Variants in VCL observed in about 807,000 individuals in gnomAD.
VCL encodes epididymis luminal protein 114.
VCL carries 47 observed loss-of-function variants against 125.7 expected under a neutral mutation model. The observed-to-expected ratio is 0.37, with a 90% CI of 0.30 to 0.48. VCL has a LOEUF of 0.48. Ranked by LOEUF, VCL falls within the 20% of genes least tolerant of loss-of-function variation. The probability of loss-of-function intolerance (pLI) is 0.99; values close to 1 mark genes in which losing one functional copy is unlikely to be tolerated. For missense variants in VCL, 1,069 were observed against 1,455.5 expected, an observed-to-expected ratio of 0.73 and a Z score of 4.32; for synonymous variants, 458 against 514.6, an observed-to-expected ratio of 0.89 and a Z score of 1.49.
rs1247818989 is a variant in VCL, at chr10:74,071,684, A to C, written c.499+601A>C. 6.6e-6 allele frequency among the ~76,000 whole-genome samples: 1 copy of C among 152,256 alleles called. No homozygotes were observed. Among genetic ancestry groups the C allele is most frequent in the Non-Finnish European group, 1.5e-5 (1 of 68,044 alleles). ...GGTCTTTAAAGTATGAATGAGACCAATGACAAGATATGTTAGATGTTTAAC... is the reference window on the plus strand; with the variant it reads ...GGTCTTTAAAGTATGAATGAGACCACTGACAAGATATGTTAGATGTTTAAC... On this transcript the variant is annotated intron_variant, in intron 4 of 21. Transcript: ENST00000211998. This position sits in a 1 kb window ranked among gnomAD's most constrained non-coding sequence, Gnocchi z 4.1.
chr10:74,032,352 A>G (rs1840893583), intron 1 of VCL, among the ~76,000 whole-genome samples: 1 of 152,100 alleles, frequency 6.6e-6, no homozygotes. Context: ...CAAGAAAGGG[A>G]AAGACAACCC....
intron 1 of VCL, among the ~76,000 whole-genome samples, chr10:74,001,693 C>A (rs181506177): frequency 5.2e-4 from 79 of 152,216 alleles, no homozygotes; most frequent in South Asian, 1.0e-3. Context: ...TAATTGAACT[C>A]TGAATTTGCT....
chr10:74,113,149 G>C (rs1322128238), intron 19 of VCL, among the ~76,000 whole-genome samples: 1 of 152,194 alleles, frequency 6.6e-6, no homozygotes, highest in Non-Finnish European at 1.5e-5. Flanking sequence ...AAGAGCATGA[G>C]GGGAAAAATG....
rs943734765 is a variant in VCL at position 74,118,145 on chromosome 10, T to C, written c.3381T>C (p.Val1127=). The C allele has an allele frequency of 3.1e-6, 5 of 1,613,978 alleles. No individual in the cohort carries two copies. The highest frequency in any genetic ancestry group is 4.5e-5 in the East Asian group (2 of 44,884). ...RTDAGFTLRW[V]RKTPWYQ Reference sequence around the variant, plus strand: ...ATGCTGGATTTACACTGCGCTGGGTTAGAAAGACTCCCTGGTACCAGTAGG... The same window carrying C: ...ATGCTGGATTTACACTGCGCTGGGTCAGAAAGACTCCCTGGTACCAGTAGG... Residue 1127 remains valine (V), a synonymous_variant, in exon 22 of 22, where the codon GTT becomes GTC. Transcript: ENST00000211998.
chr10:74,042,156 A>G (rs903064066), intron 1 of VCL, among the ~76,000 whole-genome samples: 5 of 152,266 alleles, frequency 3.3e-5, no homozygotes, highest in Admixed American at 6.5e-5. Flanking sequence ...CTTTTAAGTG[A>G]AATATAATGT....
intron 18 of VCL, among the ~76,000 whole-genome samples, chr10:74,110,173 C>A (rs768995508): frequency 2.2e-4 from 34 of 152,166 alleles, no homozygotes; most frequent in Non-Finnish European, 4.7e-4. Flanking sequence ...ATAATGGTAT[C>A]TCTCCAACTG....
intron 1 of VCL, among the ~76,000 whole-genome samples, chr10:74,021,071 C>A (rs1049477354): frequency 2.0e-5 from 3 of 152,034 alleles, no homozygotes; most frequent in Non-Finnish European, 4.4e-5. Flanking sequence ...TATTTCCCCT[C>A]CATCTTTTCG....
Position 74,070,979 on chromosome 10 carries a change from G to A in VCL, c.395G>A (p.Arg132His), listed in dbSNP as rs1272048875. The change falls in exon 4 of 22, where the codon CGT (arginine) becomes CAT (histidine). Residue 132 changes from arginine to histidine, a missense_variant. Arg to His is a conservative substitution (Grantham distance 29). Transcript: ENST00000211998. The stretch of plus-strand genomic sequence containing the variant: ...TACTCTGAAATATTTTTTCAGGTCC[G>A]TAAAATTATTAGAGTTTGCAAAGGA... ...LLLTFDEAEVRKIIRVCKGIL... is the reference protein window; with the variant it reads ...LLLTFDEAEVHKIIRVCKGIL... 5 of 1,614,016 alleles carry A rather than the reference G, an allele frequency of 3.1e-6. No homozygotes were observed. Among genetic ancestry groups the A allele is most frequent in the South Asian group, 2.2e-5 (2 of 91,096 alleles).
At chr10:74,108,868 C>T in intron 17 of VCL, 103 bp from the exon 18 acceptor site, 3 of 1,329,622 alleles carry the variant, frequency 2.3e-6, no homozygotes, top group Non-Finnish European at 3.2e-6. Flanking sequence ...TATGTGGAGT[C>T]AATATGGGTG....
intron 1 of VCL, among the ~76,000 whole-genome samples, chr10:74,019,518 G>C (rs550452741): frequency 2.2e-4 from 33 of 152,226 alleles, no homozygotes; most frequent in African/African-American, 7.7e-4. Context: ...GAGGAAGATA[G>C]ATTGGAGCGC....
At chr10:74,028,722 A>G (rs1840819930) in intron 1 of VCL, among the ~76,000 whole-genome samples, 1 of 151,516 alleles carries the variant, frequency 6.6e-6, no homozygotes, top group African/African-American at 2.4e-5. Context: ...AACTAAGAAC[A>G]CTGGAAAAAC....
intron 2 of VCL, among the ~76,000 whole-genome samples, chr10:74,046,696 C>T (rs1841201902): frequency 2.0e-5 from 3 of 152,212 alleles, no homozygotes; most frequent in Non-Finnish European, 4.4e-5. Flanking sequence ...TGAGTGAGTA[C>T]AGGTTTCACT....
At chr10:74,018,713 G>A (rs961497137) in intron 1 of VCL, among the ~76,000 whole-genome samples, 5 of 152,158 alleles carry the variant, frequency 3.3e-5, no homozygotes, top group African/African-American at 1.2e-4. Context: ...TTCAGTTTTT[G>A]AATAGGTATA....
chr10:74,073,347 C>T (rs1348814203), intron 5 of VCL, among the ~76,000 whole-genome samples: 1 of 152,174 alleles, frequency 6.6e-6, no homozygotes, highest in East Asian at 1.9e-4. Flanking sequence ...GGCTGAGAAC[C>T]AGTCTTCTTC....
intron 1 of VCL, among the ~76,000 whole-genome samples, chr10:74,002,205 A>G (rs943360874): frequency 6.6e-6 from 1 of 152,168 alleles, no homozygotes; most frequent in Non-Finnish European, 1.5e-5. Context: ...GGCTCACCGC[A>G]ACCTCTGTCT....
intron 1 of VCL, among the ~76,000 whole-genome samples, chr10:74,009,799 G>A (rs1022303166): frequency 1.3e-5 from 2 of 151,506 alleles, no homozygotes; most frequent in African/African-American, 4.8e-5. Context: ...TAGTAGAGAC[G>A]GGGTTTCACC....
chr10:74,002,081 A>G (rs1419282472), intron 1 of VCL, among the ~76,000 whole-genome samples: 1 of 152,196 alleles, frequency 6.6e-6, no homozygotes, highest in African/African-American at 2.4e-5. Flanking sequence ...TCCAATGTCA[A>G]AGCAATAAGT....
Position 74,102,492 on chromosome 10 carries a change from T to C in VCL, c.2023-1328T>C, listed in dbSNP as rs571838941. On this transcript the variant is annotated intron_variant, in intron 14 of 21. Coordinates refer to ENST00000211998, the MANE Select transcript of VCL (RefSeq NM_014000.3). ...ATTTTTTCATTTATTTATTCAGACATTTACTGAGTGCCTATGATACATTCG... is the reference window on the plus strand; with the variant it reads ...ATTTTTTCATTTATTTATTCAGACACTTACTGAGTGCCTATGATACATTCG... 1.7e-3 allele frequency among the ~76,000 whole-genome samples: 263 copies of C among 152,338 alleles called. 1 individual carries two copies. Among genetic ancestry groups the C allele is most frequent in the African/African-American group, 6.0e-3 (251 of 41,578 alleles).
rs190662776 is a variant in VCL at position 74,038,913 on chromosome 10, A to G, written c.169-4170A>G. Among the ~76,000 whole-genome samples the G allele has an allele frequency of 6.1e-4, 90 of 147,046 alleles. No individual in the cohort carries two copies. The East Asian group carries it at 0.017, about 28-fold the overall frequency. The stretch of plus-strand genomic sequence containing the variant: ...TGATTTAGAAGTGATTTTTTTTTTT[A>G]TTTTTTCCTTTTTTTGAGACGGTGT... On this transcript the variant is annotated intron_variant, in intron 1 of 21. Transcript: ENST00000211998.
Sources: gnomAD v4.1 joint callset for allele counts (sites outside exome capture counted in the v4.1 genomes callset) on GRCh38, gnomAD v4.1.1 for gene constraint, Gnocchi (gnomAD v3.1) non-coding constraint, MANE v1.5 for transcripts, NCBI Gene and HGNC (gene_info 2026-07-23, HGNC 2026-07-21) for gene names.